ANXA3: variants seen among roughly 807,000 people sequenced by gnomAD.
ANXA3 encodes the protein 35-alpha calcimedin.
Under a neutral mutation model 48.8 loss-of-function variants are expected in ANXA3, and 46 were observed. That is an observed-to-expected ratio of 0.94 (90% CI 0.74 to 1.21). The LOEUF is 1.21. ANXA3 is among the 50% of genes most tolerant of loss of function. The pLI is 0.00. For synonymous variants in ANXA3, 128 were observed against 134.7 expected, an observed-to-expected ratio of 0.95 and a Z score of 0.35; for missense variants, 383 against 378.6, an observed-to-expected ratio of 1.01 and a Z score of -0.10.
intron 5 of ANXA3, among the ~76,000 whole-genome samples, chr4:78,584,384 C>T (rs986446714): frequency 5.3e-5 from 8 of 152,070 alleles, no homozygotes; most frequent in Non-Finnish European, 7.4e-5. Flanking sequence ...GCTATGTCAC[C>T]CAGACTGGTC....
intron 5 of ANXA3, among the ~76,000 whole-genome samples, chr4:78,585,710 G>A (rs7679218): frequency 2.0e-5 from 3 of 152,006 alleles, no homozygotes; most frequent in Admixed American, 1.3e-4. Flanking sequence ...CAATCAAGTC[G>A]TAGTGTATAT....
intron 3 of ANXA3, among the ~76,000 whole-genome samples, chr4:78,578,312 A>C (rs1222960914): frequency 9.2e-6 from 1 of 109,176 alleles, no homozygotes; most frequent in African/African-American, 3.4e-5. Flanking sequence ...AGAGAGAGAG[A>C]GAGAGAGAGA....
intron 12 of ANXA3, among the ~76,000 whole-genome samples, chr4:78,606,397 G>A (rs1723646019): frequency 6.6e-6 from 1 of 152,140 alleles, no homozygotes; most frequent in Non-Finnish European, 1.5e-5. Flanking sequence ...GGATCATTAT[G>A]CACCATGCAC....
chr4:78,556,482 C>T (rs901182563), intron 2 of ANXA3, among the ~76,000 whole-genome samples: 3 of 151,876 alleles, frequency 2.0e-5, no homozygotes, highest in Non-Finnish European at 4.4e-5. Context: ...TTCAATATAT[C>T]ACCTTCTGTA....
At chr4:78,565,744 C>T (rs1722716694) in intron 2 of ANXA3, among the ~76,000 whole-genome samples, 1 of 152,170 alleles carries the variant, frequency 6.6e-6, no homozygotes, top group African/African-American at 2.4e-5. Context: ...TTAATTGTAC[C>T]TACCTCATAG....
chr4:78,587,953 G>A (rs1239571617), intron 6 of ANXA3, among the ~76,000 whole-genome samples: 1 of 152,136 alleles, frequency 6.6e-6, no homozygotes, highest in Middle Eastern at 3.2e-3. Flanking sequence ...AAAGTTAGAT[G>A]GTCATGGTGG....
At chr4:78,609,920 C>A in intron 12 of ANXA3, 136 bp from the exon 13 acceptor site, 1 of 456,028 alleles carries the variant, frequency 2.2e-6, no homozygotes, top group Non-Finnish European at 3.9e-6. Flanking sequence ...GATGGAATTG[C>A]AGGTATGTTT....
chr4:78,604,811 A>G (rs1037254382), intron 12 of ANXA3, among the ~76,000 whole-genome samples: 9 of 152,324 alleles, frequency 5.9e-5, no homozygotes, highest in Non-Finnish European at 8.8e-5. Context: ...TCATTTCAGT[A>G]TATAGGAAAC....
chr4:78,575,882 G>A (rs1374515895), intron 3 of ANXA3, among the ~76,000 whole-genome samples: 1 of 151,824 alleles, frequency 6.6e-6, no homozygotes, highest in African/African-American at 2.4e-5. Context: ...AATCTACATG[G>A]AATTAGTGTT....
rs893304604 is a variant in ANXA3, at chr4:78,551,800, C to T, written c.-98C>T. 6.6e-6 allele frequency: 1 copy of T among 152,446 alleles called. No individual in the cohort carries two copies. Among genetic ancestry groups the T allele is most frequent in the South Asian group, 2.1e-4 (1 of 4,834 alleles). The allele number at this position is 152,446 out of a possible 1,614,324, so 9.4% of individuals were successfully genotyped here. On this transcript the variant is annotated 5_prime_UTR_variant, in exon 1 of 13. Coordinates refer to ENST00000264908, the MANE Select transcript of ANXA3 (RefSeq NM_005139.3). Reference sequence around the variant, plus strand: ...GGAGCACCTGCGCCCGCGGCTGACACCTTCGCTCGCAGTTTGTTCGCAGTT... The same window carrying T: ...GGAGCACCTGCGCCCGCGGCTGACATCTTCGCTCGCAGTTTGTTCGCAGTT...
intron 1 of ANXA3, chr4:78,554,183 AG>A (rs1377149591): frequency 2.0e-5 from 7 of 342,402 alleles, no homozygotes; most frequent in Admixed American, 4.3e-5. Flanking sequence ...AAGCATCTTA[AG>A]TACAAAGATT....
At chr4:78,606,537 C>A (rs1723651598) in intron 12 of ANXA3, among the ~76,000 whole-genome samples, 1 of 152,174 alleles carries the variant, frequency 6.6e-6, no homozygotes, top group Non-Finnish European at 1.5e-5. Flanking sequence ...AGTGTCCCTG[C>A]CAGCAGCTGG....
intron 3 of ANXA3, among the ~76,000 whole-genome samples, chr4:78,575,309 T>G (rs1428621879): frequency 4.8e-5 from 7 of 146,506 alleles, no homozygotes; most frequent in Admixed American, 6.7e-5. Flanking sequence ...AAGTTTATGG[T>G]TTTTTTTTTA....
At chr4:78,577,987 T>C (rs1560444704) in intron 3 of ANXA3, among the ~76,000 whole-genome samples, 1 of 151,830 alleles carries the variant, frequency 6.6e-6, no homozygotes, top group Non-Finnish European at 1.5e-5. Flanking sequence ...GGTTTGAAAT[T>C]TATGAGAGAG....
chr4:78,582,995 A>G (rs1371628604), intron 5 of ANXA3, among the ~76,000 whole-genome samples: 1 of 152,178 alleles, frequency 6.6e-6, no homozygotes, highest in Admixed American at 6.5e-5. Context: ...TATATCAGTC[A>G]GGGTTCCCTC....
intron 10 of ANXA3, among the ~76,000 whole-genome samples, chr4:78,597,676 G>A (rs1723450005): frequency 6.6e-6 from 1 of 151,782 alleles, no homozygotes; most frequent in African/African-American, 2.4e-5. Context: ...GCAGTGGTGT[G>A]ATCTCAGCTC....
intron 10 of ANXA3, among the ~76,000 whole-genome samples, chr4:78,600,376 A>G (rs1723509363): frequency 1.3e-5 from 2 of 152,218 alleles, no homozygotes. Context: ...AAGGCAAGCT[A>G]AAGGGAAGAA....
At chr4:78,575,407 GT>G (rs1297897286) in intron 3 of ANXA3, among the ~76,000 whole-genome samples, 1 of 152,074 alleles carries the variant, frequency 6.6e-6, no homozygotes, top group Non-Finnish European at 1.5e-5. Flanking sequence ...GAGGGACCTG[GT>G]GGGAGATGAC....
chr4:78,594,986 T>G (rs1358439578), intron 7 of ANXA3, among the ~76,000 whole-genome samples: 1 of 152,074 alleles, frequency 6.6e-6, no homozygotes. Flanking sequence ...ATTTTTAAAT[T>G]AGCTGTGTGT....
Sources: gnomAD v4.1 joint callset for allele counts (sites outside exome capture counted in the v4.1 genomes callset) on GRCh38, gnomAD v4.1.1 for gene constraint, MANE v1.5 for transcripts, NCBI Gene and HGNC (gene_info 2026-07-23, HGNC 2026-07-21) for gene names.